The following HYDIN variants were observed in gnomAD, a reference collection of about 807,000 sequenced individuals.
The protein encoded by HYDIN is axonemal central pair apparatus protein HYDIN.
Under a neutral mutation model 403.9 loss-of-function variants are expected in HYDIN, and 132 were observed. The observed-to-expected ratio is 0.33, with a 90% confidence interval of 0.28 to 0.38. The LOEUF is 0.38. Among genes scored for constraint, HYDIN ranks in the 10% least tolerant of loss-of-function variants. HYDIN has a pLI of 1.00. For missense variants in HYDIN, 2,827 were observed against 5,009.5 expected, an observed-to-expected ratio of 0.56 and a Z score of 13.15; for synonymous variants, 1,202 against 1,891.7, an observed-to-expected ratio of 0.64 and a Z score of 9.46.
At chr16:70,913,117 T>G (rs1212012187) in intron 47 of HYDIN, among the ~76,000 whole-genome samples, 2 of 151,774 alleles carry the variant, frequency 1.3e-5, no homozygotes, top group Admixed American at 1.3e-4. Flanking sequence ...TTGCTTTTTT[T>G]TTTGTTTCAA....
intron 45 of HYDIN, among the ~76,000 whole-genome samples, chr16:70,932,080 C>G (rs1264608884): frequency 7.4e-6 from 1 of 135,368 alleles, no homozygotes; most frequent in East Asian, 2.3e-4. Context: ...ATTGGCCAGG[C>G]GCAGTGGCTC....
At chr16:71,218,254 A>G (rs6499490) in intron 1 of HYDIN, among the ~76,000 whole-genome samples, 14,921 of 152,182 alleles carry the variant, frequency 0.098, 2,419 homozygotes, top group African/African-American at 0.34. Context: ...ATGTGGTAAG[A>G]ATAAGATATG....
intron 13 of HYDIN, among the ~76,000 whole-genome samples, chr16:71,074,068 C>T (rs1472085741): frequency 1.3e-5 from 2 of 152,210 alleles, no homozygotes; most frequent in African/African-American, 4.8e-5. Flanking sequence ...ATCTCCAACA[C>T]TAATCTATAA....
At chr16:70,934,338 T>G (rs1318229918) in intron 45 of HYDIN, among the ~76,000 whole-genome samples, 3 of 152,056 alleles carry the variant, frequency 2.0e-5, no homozygotes, top group African/African-American at 7.2e-5. Context: ...AAACTTTTTT[T>G]TTTTTCATTT....
rs535212786 is a variant in HYDIN at position 71,020,064 on chromosome 16, T to C, written c.3330+110A>G. On this transcript the variant is annotated intron_variant, in intron 22 of 85. Transcript: ENST00000393567. ...TCTTCCCTGTTTGCTTCCTGGATCCTTTACATCTTTCTGAGCTGAAGTTGG... is the reference window on the plus strand; with the variant it reads ...TCTTCCCTGTTTGCTTCCTGGATCCCTTACATCTTTCTGAGCTGAAGTTGG... The C allele has an allele frequency of 3.0e-4, 261 of 857,950 alleles. 3 individuals are homozygous for C. The South Asian group carries it at 5.3e-3, about 17-fold the overall frequency. 53.1% of individuals were successfully genotyped at this position (857,950 alleles called of 1,614,324 possible).
At chr16:71,181,786 CATAGTGAA>C in intron 3 of HYDIN, among the ~76,000 whole-genome samples, 1 of 151,978 alleles carries the variant, frequency 6.6e-6, no homozygotes, top group Non-Finnish European at 1.5e-5. Context: ...GTATGCTGAA[CATAGTGAA>C]CAAAGCCAAA....
chr16:71,108,451 G>C (rs1482073984), intron 10 of HYDIN, among the ~76,000 whole-genome samples: 1 of 152,080 alleles, frequency 6.6e-6, no homozygotes, highest in Non-Finnish European at 1.5e-5. Flanking sequence ...GAGGCTTCTA[G>C]GGGCTGAAAA....
chr16:70,902,821 A>ATATATATTTTTTTTTTTTTTT, intron 52 of HYDIN, among the ~76,000 whole-genome samples: 6 of 47,300 alleles, frequency 1.3e-4, no homozygotes, highest in South Asian at 1.5e-3. Flanking sequence ...ATATATATAT[A>ATATATATTTTTTTTTTTTTTT]TTTTTTTTTT....
chr16:71,215,229 G>C (rs2088818812), intron 1 of HYDIN, among the ~76,000 whole-genome samples: 1 of 151,944 alleles, frequency 6.6e-6, no homozygotes, highest in African/African-American at 2.4e-5. Context: ...GAGGAAGGGA[G>C]AAAGGGAGAA....
chr16:71,187,673 CAAAA>C (rs1451684269), intron 1 of HYDIN, among the ~76,000 whole-genome samples: 1 of 151,776 alleles, frequency 6.6e-6, no homozygotes, highest in African/African-American at 2.4e-5. Flanking sequence ...AACAAACAAA[CAAAA>C]ACCTCACAAG....
chr16:71,212,322 T>C (rs2088636264), intron 1 of HYDIN, among the ~76,000 whole-genome samples: 1 of 152,178 alleles, frequency 6.6e-6, no homozygotes, highest in South Asian at 2.1e-4. Flanking sequence ...CTTACCTAAG[T>C]CATAAACTTA....
intron 72 of HYDIN, among the ~76,000 whole-genome samples, chr16:70,856,243 A>G (rs1465503498): frequency 8.7e-6 from 1 of 114,610 alleles, no homozygotes; most frequent in Non-Finnish European, 1.7e-5. Context: ...TTACCACATT[A>G]TTCTGTTGAG....
intron 10 of HYDIN, chr16:71,113,682 C>G (rs373120987): frequency 1.3e-5 from 2 of 150,254 alleles, no homozygotes; most frequent in African/African-American, 4.9e-5. Context: ...CAGCCTCAAA[C>G]TTCTGGGCTT....
In HYDIN at chr16:70,955,394, C is replaced by T. The variant is rs368124859; in HGVS notation, c.6297G>A (p.Val2099=). ...TCTTACCAGCCTCCTCTCCTTCCTT[C>T]ACGGACTGCTCTATGGCAGCCCTGA... ...LCIRAAIEQS[V]KEGEEAAQEA... is the part of the protein sequence containing the mutation. Residue 2099 remains valine, a synonymous_variant, in exon 40 of 86, where the codon GTG becomes GTA. Transcript: ENST00000393567. 3.1e-6 allele frequency: 5 copies of T among 1,608,738 alleles called. No homozygotes were observed. The African/African-American group carries it at 6.7e-5, about 22-fold the overall frequency.
intron 7 of HYDIN, among the ~76,000 whole-genome samples, chr16:71,137,806 A>G (rs2084991209): frequency 1.3e-5 from 2 of 152,098 alleles, no homozygotes; most frequent in African/African-American, 4.8e-5. Context: ...ATTTGAGAAC[A>G]GTGATCAGGA....
At chr16:71,125,022 G>GCTT (rs1222138465) in intron 9 of HYDIN, among the ~76,000 whole-genome samples, 1 of 145,198 alleles carries the variant, frequency 6.9e-6, no homozygotes, top group African/African-American at 2.6e-5. Flanking sequence ...AGCAAATGGT[G>GCTT]CTGAATGATG....
chr16:71,020,492 T>G (rs976049963), intron 21 of HYDIN, among the ~76,000 whole-genome samples, 175 bp from the exon 22 acceptor site: 10 of 152,188 alleles, frequency 6.6e-5, no homozygotes, highest in African/African-American at 2.4e-4. Flanking sequence ...ACATACATTT[T>G]TCTCCCTTGT....
chr16:71,039,530 G>A (rs2081212598), intron 18 of HYDIN, among the ~76,000 whole-genome samples: 2 of 152,024 alleles, frequency 1.3e-5, no homozygotes, highest in Non-Finnish European at 2.9e-5. Context: ...ACCACCCATG[G>A]CCCCACCCCA....
chr16:71,037,188 C>T (rs11075840), intron 18 of HYDIN, among the ~76,000 whole-genome samples: 11,807 of 144,026 alleles, frequency 0.082, 700 homozygotes, highest in African/African-American at 0.15. Flanking sequence ...GCTGTGGGGA[C>T]GGATGAGTGA....
Sources: allele counts gnomAD v4.1 joint callset (sites outside exome capture counted in the v4.1 genomes callset), GRCh38; gene constraint gnomAD v4.1.1; transcripts MANE v1.5; gene names NCBI Gene and HGNC (gene_info 2026-07-23, HGNC 2026-07-21).